The following OPRD1 variants were observed in gnomAD, a reference collection of about 807,000 sequenced individuals.
The protein encoded by OPRD1 is delta-type opioid receptor.
OPRD1 carries 19 observed loss-of-function variants against 17.5 expected under a neutral mutation model. That is an observed-to-expected ratio of 1.09 (90% CI 0.76 to 1.60). OPRD1 has a LOEUF of 1.60. Among genes scored for constraint, OPRD1 ranks in the 40% most tolerant of loss-of-function variants. The pLI is 0.00. For synonymous variants in OPRD1, 256 were observed against 240.9 expected (o/e 1.06, Z -0.58); for missense variants, 483 against 547.2 (o/e 0.88, Z 1.17).
At chr1:28,838,842 T>C (rs943571367) in intron 1 of OPRD1, among the ~76,000 whole-genome samples, 2 of 152,154 alleles carry the variant, frequency 1.3e-5, no homozygotes, top group African/African-American at 4.8e-5. Flanking sequence ...GGGACAGAGC[T>C]GGGGCTTCAG....
At chr1:28,813,353 A>G (rs971568940) in intron 1 of OPRD1, among the ~76,000 whole-genome samples, 34 of 152,204 alleles carry the variant, frequency 2.2e-4, no homozygotes, top group African/African-American at 7.0e-4. Context: ...GCCAGTGCCC[A>G]TCTGGTCAGG....
intron 1 of OPRD1, among the ~76,000 whole-genome samples, chr1:28,848,739 A>G (rs2088974246): frequency 6.6e-6 from 1 of 152,216 alleles, no homozygotes. Flanking sequence ...GTTGGCACTT[A>G]GACTGAGTTC....
At chr1:28,856,758 G>A (rs543994212) in intron 1 of OPRD1, among the ~76,000 whole-genome samples, 1 of 152,336 alleles carries the variant, frequency 6.6e-6, no homozygotes, top group South Asian at 2.1e-4. Context: ...AGCTGTGCAG[G>A]GCAGAGAGCA....
rs896539981 is a variant in OPRD1, at chr1:28,853,462, G to A, written c.228-5492G>A. On this transcript the variant is annotated intron_variant, in intron 1 of 2. Coordinates refer to ENST00000234961, the MANE Select transcript of OPRD1 (RefSeq NM_000911.4). ...AACCTTTCATTTGTTAAACCACTGG[G>A]ATTTGGGTATTTAGGCATAGCCTTG... Among the ~76,000 whole-genome samples, 5 of 152,236 alleles carry A rather than the reference G, an allele frequency of 3.3e-5. No homozygotes were observed. In the South Asian group the frequency reaches 1.0e-3, roughly 32 times the overall value.
At chr1:28,848,894 T>C (rs1309402204) in intron 1 of OPRD1, among the ~76,000 whole-genome samples, 4 of 151,712 alleles carry the variant, frequency 2.6e-5, no homozygotes, top group Non-Finnish European at 5.9e-5. Context: ...AGGGGTGAGG[T>C]GTGGGACAGA....
chr1:28,852,164 TAA>T lies in OPRD1; in HGVS notation c.228-6769_228-6768del, dbSNP rs71030305. On this transcript the variant is annotated intron_variant, in intron 1 of 2. Coordinates refer to ENST00000234961, the MANE Select transcript of OPRD1 (RefSeq NM_000911.4). The stretch of plus-strand genomic sequence containing the variant: ...CCTGGGCGACAGAGCAAACTCCATG[TAA>T]AAAAAAAAAAAAAAAAAAAAGAAAA... 3.5e-3 allele frequency among the ~76,000 whole-genome samples: 305 copies of T among 86,732 alleles called. 2 individuals carry two copies. The highest frequency in any genetic ancestry group is 0.011 in the African/African-American group (230 of 21,514). The allele number at this position is 86,732 out of a possible 152,430, so 56.9% of individuals were successfully genotyped here. A position where few individuals can be genotyped will look rare whatever the true frequency, so the allele number is the denominator to read the frequency against.
chr1:28,854,302 C>T (rs532339802), intron 1 of OPRD1, among the ~76,000 whole-genome samples: 6 of 152,264 alleles, frequency 3.9e-5, no homozygotes, highest in Non-Finnish European at 5.9e-5. Context: ...TCAGAGCTCA[C>T]TGCAGCCTCC....
rs79344086 is a variant in OPRD1, at chr1:28,859,139, C to T, written c.413C>T (p.Thr138Met). The change falls in exon 2 of 3, where the codon ACG (threonine) becomes ATG (methionine). Residue 138 changes from threonine to methionine, a missense_variant. Physicochemically the swap from Thr to Met is moderately conservative, Grantham distance 81. Coordinates refer to ENST00000234961, the MANE Select transcript of OPRD1 (RefSeq NM_000911.4). ...TACAATATGTTCACCAGCATCTTCA[C>T]GCTCACCATGATGAGTGTTGACCGC... ...DYYNMFTSIF[T>M]LTMMSVDRYI... 6.8e-6 allele frequency: 11 copies of T among 1,614,262 alleles called. No homozygotes were observed. The highest frequency in any genetic ancestry group is 2.7e-5 in the African/African-American group (2 of 75,086).
At chr1:28,858,166 T>G (rs2147749795) in intron 1 of OPRD1, among the ~76,000 whole-genome samples, 1 of 140,148 alleles carries the variant, frequency 7.1e-6, no homozygotes, top group Non-Finnish European at 1.5e-5. Context: ...CAGGCGGGAG[T>G]GCAGTGGCGC....
At chr1:28,826,191 G>A (rs1429722230) in intron 1 of OPRD1, among the ~76,000 whole-genome samples, 1 of 152,104 alleles carries the variant, frequency 6.6e-6, no homozygotes, top group Non-Finnish European at 1.5e-5. Flanking sequence ...ATATCTCAAA[G>A]CAAGTCACAC....
intron 1 of OPRD1, among the ~76,000 whole-genome samples, chr1:28,842,875 G>A (rs2088906057): frequency 6.6e-6 from 1 of 151,690 alleles, no homozygotes; most frequent in Admixed American, 6.6e-5. Context: ...AGACCAGCCT[G>A]GACAACATAG....
chr1:28,828,194 C>G (rs1049854459), intron 1 of OPRD1, among the ~76,000 whole-genome samples: 1 of 152,138 alleles, frequency 6.6e-6, no homozygotes, highest in Non-Finnish European at 1.5e-5. Context: ...TTCCTTGATC[C>G]GTGGGCTACA....
At chr1:28,823,686 G>T (rs1332415179) in intron 1 of OPRD1, among the ~76,000 whole-genome samples, 1 of 151,874 alleles carries the variant, frequency 6.6e-6, no homozygotes, top group Non-Finnish European at 1.5e-5. Context: ...GAGCCACTGT[G>T]CCTGGCCAAT....
At position 28,858,887 on chromosome 1, in the gene OPRD1, T is replaced by C. The variant is rs964663230; in HGVS notation, c.228-67T>C. The stretch of plus-strand genomic sequence containing the variant: ...ATGTCCTTAGGAAAGCTACTTCCCT[T>C]CCTTGAGTTTCATGTGAAACTGAAA... On this transcript the variant is annotated intron_variant, in intron 1 of 2. Coordinates refer to ENST00000234961, the MANE Select transcript of OPRD1 (RefSeq NM_000911.4). The C allele has an allele frequency of 4.1e-6, 6 of 1,455,256 alleles. No homozygotes were observed. In the African/African-American group the frequency reaches 8.3e-5, roughly 20 times the overall value. The allele number at this position is 1,455,256 out of a possible 1,614,324, so 90.1% of individuals were successfully genotyped here.
chr1:28,817,479 G>T (rs1212944750), intron 1 of OPRD1, among the ~76,000 whole-genome samples: 1 of 152,182 alleles, frequency 6.6e-6, no homozygotes, highest in African/African-American at 2.4e-5. Flanking sequence ...GGAAAATGCT[G>T]AAGTGTCTTC....
intron 1 of OPRD1, among the ~76,000 whole-genome samples, chr1:28,819,268 T>G (rs1397563977): frequency 6.6e-6 from 1 of 151,068 alleles, no homozygotes; most frequent in Non-Finnish European, 1.5e-5. Context: ...CTGGACAACA[T>G]AGCAAGACCC....
At chr1:28,827,022 C>T (rs931566403) in intron 1 of OPRD1, among the ~76,000 whole-genome samples, 2 of 152,170 alleles carry the variant, frequency 1.3e-5, no homozygotes, top group African/African-American at 4.8e-5. Flanking sequence ...CGGCCAGAAG[C>T]GGTGGCTTAC....
At chr1:28,842,186 C>T (rs183723079) in intron 1 of OPRD1, among the ~76,000 whole-genome samples, 2 of 152,066 alleles carry the variant, frequency 1.3e-5, no homozygotes, top group Non-Finnish European at 2.9e-5. Context: ...TGCGCCACCA[C>T]GCCCAGCTAA....
At chr1:28,818,045 C>T (rs1227012329) in intron 1 of OPRD1, among the ~76,000 whole-genome samples, 1 of 151,992 alleles carries the variant, frequency 6.6e-6, no homozygotes, top group Non-Finnish European at 1.5e-5. Context: ...AAAATTGGGG[C>T]GATATGACAG....
Sources: allele counts gnomAD v4.1 joint callset (sites outside exome capture counted in the v4.1 genomes callset), GRCh38; gene constraint gnomAD v4.1.1; transcripts MANE v1.5; gene names NCBI Gene and HGNC (gene_info 2026-07-23, HGNC 2026-07-21).